NCOR2: variants seen among roughly 807,000 people sequenced by gnomAD.
NCOR2 encodes the protein CTG repeat protein 26.
In NCOR2, 81 loss-of-function variants were observed where a neutral mutation model predicts 262.9. The observed-to-expected ratio is 0.31, with a 90% CI of 0.26 to 0.37. NCOR2 has a LOEUF of 0.37. NCOR2 is among the 10% of genes least tolerant of loss of function. The probability of loss-of-function intolerance (pLI) is 1.00; values close to 1 mark genes in which losing one functional copy is unlikely to be tolerated. For missense variants in NCOR2, 3,385 were observed against 3,621.4 expected (o/e 0.93, Z 1.68); for synonymous variants, 1,659 against 1,559.3 (o/e 1.06, Z -1.51).
chr12:124,455,930 C>G lies in NCOR2; in HGVS notation c.762+1176G>C, dbSNP rs1023438318. Among the ~76,000 whole-genome samples, 8 of 152,312 alleles carry G rather than the reference C, an allele frequency of 5.3e-5. No homozygotes were observed. In the South Asian group the frequency reaches 1.0e-3, roughly 20 times the overall value. Reference sequence around the variant, plus strand: ...TCACTCTACTGCCCAGGCTGGAGTGCAGTGGTGTGATCATAGCTCACCGCA... The same window carrying G: ...TCACTCTACTGCCCAGGCTGGAGTGGAGTGGTGTGATCATAGCTCACCGCA... On this transcript the variant is annotated intron_variant, in intron 6 of 46. Transcript: ENST00000405201.
rs764816990 is a variant in NCOR2 at position 124,326,401 on chromosome 12, G to C, written c.7184-31C>G. 4 of 1,470,788 alleles carry C rather than the reference G, an allele frequency of 2.7e-6. No individual in the cohort carries two copies. The Admixed American group carries it at 9.5e-5, about 35-fold the overall frequency. The allele number at this position is 1,470,788 out of a possible 1,614,324, so 91.1% of individuals were successfully genotyped here. The stretch of plus-strand genomic sequence containing the variant: ...GGGGGACAAGATGGGAAGGGGCTGC[G>C]TTGGGCAGTGAAGACAGCACCGACG... On this transcript the variant is annotated intron_variant, in intron 45 of 46. Transcript: ENST00000405201.
intron 22 of NCOR2, among the ~76,000 whole-genome samples, chr12:124,360,287 A>T (rs1429676772): frequency 6.6e-6 from 1 of 152,198 alleles, no homozygotes; most frequent in Admixed American, 6.5e-5. Flanking sequence ...GTCATGGGGC[A>T]TCCCAGTTCC....
At chr12:124,558,573 G>A (rs573086417) in intron 1 of NCOR2, among the ~76,000 whole-genome samples, 100 of 152,312 alleles carry the variant, frequency 6.6e-4, no homozygotes, top group African/African-American at 2.3e-3. Context: ...CTGGGACCAC[G>A]TCTCTCACTC....
chr12:124,340,192 C>CTGCCGCTGT, exon 37 of NCOR2: 4 of 1,609,632 alleles, frequency 2.5e-6, no homozygotes, highest in Non-Finnish European at 2.5e-6. Context: ...GCTGCCGCTG[C>CTGCCGCTGT]TCTGCTCTGT....
chr12:124,384,230 C>T (rs748179576), intron 17 of NCOR2, among the ~76,000 whole-genome samples: 10 of 152,240 alleles, frequency 6.6e-5, no homozygotes, highest in Admixed American at 2.0e-4. Flanking sequence ...CCCTTCTGCG[C>T]CCCCAGGCTG....
intron 1 of NCOR2, chr12:124,529,737 G>A (rs748345624): frequency 3.3e-5 from 5 of 152,210 alleles, no homozygotes; most frequent in Non-Finnish European, 7.3e-5. Context: ...TTGCCCAAAA[G>A]GCAGCAAAAG....
At chr12:124,334,950 T>C (rs1460698112) in intron 40 of NCOR2, 185 bp downstream of exon 42, 1 of 825,790 alleles carries the variant, frequency 1.2e-6, no homozygotes, top group Non-Finnish European at 1.9e-6. Flanking sequence ...GGGGCGGTGA[T>C]GGTGCCGGTG....
In NCOR2 at chr12:124,481,217, T is replaced by G; in HGVS notation, c.411+2379A>C. ...GGAAGGGGAGGAAGGGCAGGAAGGA[T>G]GTGCTGGAAGGGTTGGGCGTCGGGG... On this transcript the variant is annotated intron_variant, in intron 3 of 46. Coordinates refer to ENST00000405201, the Ensembl canonical transcript of NCOR2. This position sits in a 1 kb window ranked among gnomAD's most constrained non-coding sequence, Gnocchi z 4.6. Among the ~76,000 whole-genome samples the G allele has an allele frequency of 6.7e-6, 1 of 149,504 alleles. No individual in the cohort carries two copies. Among genetic ancestry groups the G allele is most frequent in the East Asian group, 2.0e-4 (1 of 4,994 alleles).
intron 1 of NCOR2, among the ~76,000 whole-genome samples, chr12:124,521,008 C>T (rs1424499061): frequency 6.6e-6 from 1 of 152,208 alleles, no homozygotes; most frequent in Non-Finnish European, 1.5e-5. Context: ...GGCCCCCAGC[C>T]TCTCGAGGCA....
intron 38 of NCOR2, 36 bp from the exon 41 acceptor site, chr12:124,335,668 G>A (rs376138615): frequency 2.3e-5 from 36 of 1,568,028 alleles, no homozygotes; most frequent in Non-Finnish European, 2.9e-5. Flanking sequence ...CAGGCACCGG[G>A]CCCAGGGTTT....
In NCOR2 at chr12:124,481,378, C is replaced by CCTGTGGCTG. The variant is rs1161970492; in HGVS notation, c.411+2209_411+2217dup. Among the ~76,000 whole-genome samples, 5 of 152,244 alleles carry CCTGTGGCTG rather than the reference C, an allele frequency of 3.3e-5. No individual in the cohort carries two copies. The highest frequency in any genetic ancestry group is 4.1e-4 in the South Asian group (2 of 4,828). ...GACCCCCTTCAAGGCCGGCAGGGCC[C>CCTGTGGCTG]CTGTGGCTGAATCTCACACCCCAGG... is the stretch of plus-strand genomic sequence containing the variant. On this transcript the variant is annotated intron_variant, in intron 3 of 46. Transcript: ENST00000405201. The surrounding 1 kb of genome is among the most constrained non-coding windows in gnomAD (Gnocchi z 4.6).
rs555997090 is a variant in NCOR2, at chr12:124,523,549, G to A, written c.-118+12016C>T. Among the ~76,000 whole-genome samples, 27 of 151,734 alleles carry A rather than the reference G, an allele frequency of 1.8e-4. No individual in the cohort carries two copies. Among genetic ancestry groups the A allele is most frequent in the African/African-American group, 6.3e-4 (26 of 41,324 alleles). On this transcript the variant is annotated intron_variant, in intron 1 of 46. Coordinates refer to the NCOR2 transcript ENST00000404621. This position sits in a 1 kb window ranked among gnomAD's most constrained non-coding sequence, Gnocchi z 4.0. ...GCCTCCACTGTGCCTTACAACCGGC[G>A]TGTCCAGTCTTTTGGCTTCACTGGG... is the stretch of plus-strand genomic sequence containing the variant.
At chr12:124,404,376 T>A (rs2042155149) in intron 13 of NCOR2, among the ~76,000 whole-genome samples, 1 of 152,182 alleles carries the variant, frequency 6.6e-6, no homozygotes, top group African/African-American at 2.4e-5. Flanking sequence ...GAGACCACAT[T>A]CAGCTACGTC....
At chr12:124,361,982 C>T in intron 22 of NCOR2, 144 bp downstream of exon 24, 2 of 737,498 alleles carry the variant, frequency 2.7e-6, no homozygotes, top group Non-Finnish European at 1.9e-6. Flanking sequence ...CTGCCTCCCC[C>T]TGCTCAACTG....
At chr12:124,364,921 T>C (rs1235943899) in intron 20 of NCOR2, among the ~76,000 whole-genome samples, 4 of 145,856 alleles carry the variant, frequency 2.7e-5, no homozygotes, top group Admixed American at 2.7e-4. Context: ...CGGCCTGAGT[T>C]TGGGGGTATT....
exon 38 of NCOR2, chr12:124,336,857 G>C (rs115287138): frequency 6.2e-7 from 1 of 1,611,970 alleles, no homozygotes; most frequent in Admixed American, 1.7e-5. Flanking sequence ...GTCCGGGCTG[G>C]CGTGGTGAGG....
chr12:124,411,027 G>T (rs981000893), intron 13 of NCOR2, among the ~76,000 whole-genome samples: 2 of 148,568 alleles, frequency 1.3e-5, no homozygotes, highest in South Asian at 4.4e-4. Context: ...GGGACAGGGT[G>T]AGGAGGGGAG....
chr12:124,370,083 G>A (rs1236464752), intron 20 of NCOR2, among the ~76,000 whole-genome samples: 2 of 152,214 alleles, frequency 1.3e-5, no homozygotes, highest in Non-Finnish European at 2.9e-5. Flanking sequence ...CAGGAGCGGG[G>A]CGGGGAGCCG....
chr12:124,412,118 G>T (rs1485128686), intron 13 of NCOR2, among the ~76,000 whole-genome samples: 1 of 152,264 alleles, frequency 6.6e-6, no homozygotes, highest in African/African-American at 2.4e-5. Context: ...ATGCCAAGGT[G>T]GGCCAGAGTG....
Sources: allele counts gnomAD v4.1 joint callset (sites outside exome capture counted in the v4.1 genomes callset), GRCh38; gene constraint gnomAD v4.1.1; non-coding constraint Gnocchi (gnomAD v3.1); transcripts MANE v1.5; gene names NCBI Gene and HGNC (gene_info 2026-07-23, HGNC 2026-07-21).